Variants in CD2AP observed in about 807,000 individuals in gnomAD.
CD2AP encodes the protein CD2-associated protein.
In CD2AP, 46 loss-of-function variants were observed where a neutral mutation model predicts 85.1. That is an observed-to-expected ratio of 0.54 (90% CI 0.43 to 0.69). CD2AP has a LOEUF of 0.69. Ranked by LOEUF, CD2AP falls within the 30% of genes least tolerant of loss-of-function variation. CD2AP has a pLI of 0.00. For missense variants in CD2AP, 769 were observed against 729.5 expected, an observed-to-expected ratio of 1.05 and a Z score of -0.62; for synonymous variants, 255 against 252.9, an observed-to-expected ratio of 1.01 and a Z score of -0.08.
chr6:47,506,870 T>C (rs1766187596), intron 2 of CD2AP, among the ~76,000 whole-genome samples: 1 of 151,810 alleles, frequency 6.6e-6, no homozygotes, highest in South Asian at 2.1e-4. Flanking sequence ...TGGCAGTTTC[T>C]AAGATGAGAC....
At chr6:47,532,419 A>G (rs1285066244) in intron 2 of CD2AP, among the ~76,000 whole-genome samples, 6 of 142,376 alleles carry the variant, frequency 4.2e-5, no homozygotes, top group Non-Finnish European at 9.2e-5. Context: ...ACACACACAC[A>G]CAATACTTGC....
chr6:47,516,702 AT>A (rs913553997), intron 2 of CD2AP, among the ~76,000 whole-genome samples: 6 of 150,910 alleles, frequency 4.0e-5, no homozygotes, highest in Admixed American at 6.6e-5. Context: ...TATACTTCCC[AT>A]TTTTTTTTCA....
At chr6:47,583,081 G>A (rs1462849549) in intron 11 of CD2AP, among the ~76,000 whole-genome samples, 3 of 152,022 alleles carry the variant, frequency 2.0e-5, no homozygotes, top group African/African-American at 7.2e-5. Context: ...CCGTGCCTGG[G>A]CCAGTATCAT....
chr6:47,574,353 C>A, intron 6 of CD2AP, 102 bp downstream of exon 6: 1 of 1,087,946 alleles, frequency 9.2e-7, no homozygotes, highest in Non-Finnish European at 1.4e-6. Context: ...TTCTTTTTTT[C>A]AGATCACTAA....
intron 11 of CD2AP, among the ~76,000 whole-genome samples, chr6:47,591,771 A>G (rs1295179921): frequency 6.6e-6 from 1 of 152,114 alleles, no homozygotes; most frequent in Non-Finnish European, 1.5e-5. Context: ...TTTTGTTAGC[A>G]TACATTTTAG....
chr6:47,549,226 T>G (rs1174567384), intron 4 of CD2AP, among the ~76,000 whole-genome samples: 1 of 151,966 alleles, frequency 6.6e-6, no homozygotes, highest in African/African-American at 2.4e-5. Context: ...GAGAAAGAAA[T>G]AAAGGGCATC....
chr6:47,508,534 C>CTT (rs374284567), intron 2 of CD2AP, among the ~76,000 whole-genome samples: 4 of 129,380 alleles, frequency 3.1e-5, no homozygotes, highest in Non-Finnish European at 3.2e-5. Flanking sequence ...TTCTTTCTTT[C>CTT]TTTTTTTTTT....
At chr6:47,539,318 G>T (rs537410390) in intron 3 of CD2AP, among the ~76,000 whole-genome samples, 2 of 152,314 alleles carry the variant, frequency 1.3e-5, no homozygotes, top group South Asian at 2.1e-4. Context: ...TTGTACTGGG[G>T]TTGTCAAGCA....
At chr6:47,517,853 T>G (rs1050640796) in intron 2 of CD2AP, among the ~76,000 whole-genome samples, 1 of 152,214 alleles carries the variant, frequency 6.6e-6, no homozygotes, top group African/African-American at 2.4e-5. Context: ...ATTAATAGTA[T>G]TTATCTTATA....
At chr6:47,579,348 A>AAAAAG (rs57280259) in intron 8 of CD2AP, 37 bp from the exon 9 acceptor site, 8 of 1,167,074 alleles carry the variant, frequency 6.9e-6, no homozygotes, top group Admixed American at 5.2e-5. Flanking sequence ...AAAAAAAAAA[A>AAAAAG]GGTCTATTGT....
intron 8 of CD2AP, among the ~76,000 whole-genome samples, chr6:47,578,179 G>C (rs185022100): frequency 6.6e-6 from 1 of 152,072 alleles, no homozygotes; most frequent in Non-Finnish European, 1.5e-5. Flanking sequence ...AAGAAACTTA[G>C]AAGGTCTTGT....
At chr6:47,484,495 T>C (rs945685681) in intron 1 of CD2AP, among the ~76,000 whole-genome samples, 1 of 152,198 alleles carries the variant, frequency 6.6e-6, no homozygotes, top group Non-Finnish European at 1.5e-5. Flanking sequence ...TTAAAGGTGC[T>C]TTTATCCTAG....
In CD2AP at chr6:47,544,712, GA is replaced by G. The variant is rs1767320715; in HGVS notation, c.420+12del. On this transcript the variant is annotated splice_region_variant and intron_variant, in intron 4 of 17. Coordinates refer to ENST00000359314, the MANE Select transcript of CD2AP (RefSeq NM_012120.3). The stretch of plus-strand genomic sequence containing the variant: ...TTATTGATATTAATGAAGAGGTAAG[GA>G]AAAAATGTGTTACAGGTAAAACAGT... The G allele has an allele frequency of 5.9e-6, 9 of 1,512,902 alleles. No homozygotes were observed. Among genetic ancestry groups the G allele is most frequent in the South Asian group, 5.6e-5 (5 of 88,824 alleles). 93.7% of individuals were successfully genotyped at this position (1,512,902 alleles called of 1,614,324 possible). A position where few individuals can be genotyped will look rare whatever the true frequency, so the allele number is the denominator to read the frequency against.
chr6:47,613,977 A>G (rs912692717), intron 17 of CD2AP, among the ~76,000 whole-genome samples: 1 of 152,174 alleles, frequency 6.6e-6, no homozygotes, highest in African/African-American at 2.4e-5. Context: ...TGCTACCTTC[A>G]TACTTTTCCT....
intron 3 of CD2AP, among the ~76,000 whole-genome samples, chr6:47,538,476 C>T (rs558274902): frequency 6.6e-6 from 1 of 152,174 alleles, no homozygotes; most frequent in African/African-American, 2.4e-5. Flanking sequence ...GAACTCCTGA[C>T]CTCAGGTGAT....
chr6:47,621,741 G>A (rs372401485), intron 17 of CD2AP, among the ~76,000 whole-genome samples: 39 of 152,062 alleles, frequency 2.6e-4, no homozygotes, highest in African/African-American at 9.4e-4. Flanking sequence ...GGCCTGTTCA[G>A]GATCTCTAAT....
In CD2AP at chr6:47,595,934, A is replaced by G. The variant is rs1261820989; in HGVS notation, c.1182A>G (p.Pro394=). The G allele has an allele frequency of 1.9e-6, 3 of 1,612,828 alleles. No individual in the cohort carries two copies. The highest frequency in any genetic ancestry group is 1.7e-5 in the Admixed American group (1 of 59,956). The part of the protein sequence containing the change: ...APQVPPKKPT[P]PTKASNLLRS... ...AAGTCCCACCCAAGAAACCTACTCC[A>G]CCTACCAAAGCCAGTAATTTACTGA... The change falls in exon 12 of 18, where the codon CCA becomes CCG. Residue 394 remains proline, a synonymous_variant. Coordinates refer to ENST00000359314, the MANE Select transcript of CD2AP (RefSeq NM_012120.3).
intron 13 of CD2AP, among the ~76,000 whole-genome samples, chr6:47,601,886 T>G (rs923364452): frequency 6.6e-6 from 1 of 152,028 alleles, no homozygotes; most frequent in Admixed American, 6.6e-5. Context: ...AGGGGTTTTA[T>G]TTACTAGTTG....
chr6:47,478,190 C>CAGGAGGAGG lies in CD2AP; in HGVS notation c.-55_-54insAGGAGGAGG, dbSNP rs560930115. ...GCGGGAGCGGCCGCGCGAGCCACCA[C>CAGGAGGAGG]TGGAGGAGGAGGAGGAGGAGCGGAC... is the stretch of plus-strand genomic sequence containing the variant. On this transcript the variant is annotated 5_prime_UTR_variant, in exon 1 of 18. Transcript: ENST00000359314. The CAGGAGGAGG allele has an allele frequency of 8.4e-6, 12 of 1,430,432 alleles. No individual in the cohort carries two copies. The highest frequency in any genetic ancestry group is 3.8e-5 in the South Asian group (3 of 78,846). 88.6% of individuals were successfully genotyped at this position (1,430,432 alleles called of 1,614,324 possible). A position where few individuals can be genotyped will look rare whatever the true frequency, so the allele number is the denominator to read the frequency against.
Sources: gnomAD v4.1 joint callset for allele counts (sites outside exome capture counted in the v4.1 genomes callset) on GRCh38, gnomAD v4.1.1 for gene constraint, MANE v1.5 for transcripts, NCBI Gene and HGNC (gene_info 2026-07-23, HGNC 2026-07-21) for gene names.